The following NADK variants were observed in gnomAD, a reference collection of about 807,000 sequenced individuals.
NADK encodes the protein NAD kinase.
In NADK, 22 loss-of-function variants were observed where a neutral mutation model predicts 49.8. The ratio of observed to expected loss-of-function variants is 0.44; its 90% CI spans 0.32 to 0.63. The LOEUF (loss-of-function observed/expected upper bound fraction) is 0.63, where lower values mean the gene tolerates loss of function less well. Among genes scored for constraint, NADK ranks in the 30% least tolerant of loss-of-function variants. The probability of loss-of-function intolerance (pLI) is 0.06; values close to 1 mark genes in which losing one functional copy is unlikely to be tolerated. For missense variants in NADK, 438 were observed against 609.4 expected, an observed-to-expected ratio of 0.72 and a Z score of 2.96; for synonymous variants, 268 against 253.7, an observed-to-expected ratio of 1.06 and a Z score of -0.54.
rs551927211 is a variant in NADK, at chr1:1,771,835, TC to T, written c.-40-6390del. Among the ~76,000 whole-genome samples the T allele has an allele frequency of 4.2e-3, 645 of 151,852 alleles. 5 individuals carry two copies. The highest frequency in any genetic ancestry group is 0.015 in the African/African-American group (603 of 41,418). The stretch of plus-strand genomic sequence containing the variant: ...TTTTTTGTCTTTTTGTGAGACAGGA[TC>T]TCCCACTGTTGCCCAGGCTGGAGTA... On this transcript the variant is annotated intron_variant, in intron 1 of 11. Coordinates refer to ENST00000341426, the MANE Select transcript of NADK (RefSeq NM_023018.5).
intron 2 of NADK, among the ~76,000 whole-genome samples, chr1:1,763,393 C>T (rs557830536): frequency 3.9e-5 from 6 of 151,944 alleles, no homozygotes; most frequent in Non-Finnish European, 8.8e-5. Flanking sequence ...CTGAGGTGGG[C>T]GGATCACCTC....
rs373387647 is a variant in NADK, at chr1:1,766,797, G to T, written c.-40-1351C>A. ...TTTTTTTTCCTTTGGTAGAGACAGG[G>T]TGTCTTGCTCTGTTGCCCAGGCTGG... On this transcript the variant is annotated intron_variant, in intron 1 of 11. Coordinates refer to ENST00000341426, the MANE Select transcript of NADK (RefSeq NM_023018.5). Among the ~76,000 whole-genome samples the T allele has an allele frequency of 8.6e-5, 13 of 151,902 alleles. 1 individual carries two copies. The highest frequency in any genetic ancestry group is 2.6e-4 in the Admixed American group (4 of 15,260).
intron 3 of NADK, chr1:1,761,688 C>T (rs1306121802): frequency 2.7e-6 from 1 of 375,128 alleles, no homozygotes; most frequent in Non-Finnish European, 5.0e-6. Flanking sequence ...TTTCTCAAAG[C>T]CACTGGAAAA....
chr1:1,767,354 G>A (rs1003179070), intron 1 of NADK, among the ~76,000 whole-genome samples: 5 of 152,194 alleles, frequency 3.3e-5, no homozygotes, highest in African/African-American at 9.7e-5. Flanking sequence ...CCCAACATCT[G>A]GAACACCCAG....
intron 3 of NADK, chr1:1,759,297 GGA>G (rs530561987): frequency 0.01 from 15,160 of 1,490,806 alleles, 109 homozygotes; most frequent in Non-Finnish European, 0.012. Flanking sequence ...GGTACTGCAC[GGA>G]GAGGGCAGGG....
In NADK at chr1:1,765,220, A is replaced by G. The variant is rs5021859; in HGVS notation, c.179+8T>C. The G allele has an allele frequency of 0.91, 1,428,795 of 1,574,528 alleles. 655,938 individuals carry two copies. Among genetic ancestry groups the G allele is most frequent in the Non-Finnish European group, 0.95 (1,102,802 of 1,163,562 alleles). On this transcript the variant is annotated splice_region_variant and intron_variant, in intron 2 of 11. Transcript: ENST00000341426. ...AAAAAAAAGAGGAACCATCCCTCCC[A>G]GTTGTACCTGAACTCCTTGGTGCTC...
At chr1:1,772,100 C>T (rs1452104792) in intron 1 of NADK, among the ~76,000 whole-genome samples, 1 of 151,862 alleles carries the variant, frequency 6.6e-6, no homozygotes, top group Non-Finnish European at 1.5e-5. Context: ...TGAGCCACCT[C>T]ACCCAGCTGG....
intron 3 of NADK, chr1:1,758,365 C>G (rs746304265): frequency 6.2e-7 from 1 of 1,608,768 alleles, no homozygotes; most frequent in Non-Finnish European, 8.5e-7. Context: ...CAGCACTCAC[C>G]CTGTGCAGGC....
Position 1,751,927 on chromosome 1 carries a change from G to A in NADK, c.*977C>T, listed in dbSNP as rs1178796473. The A allele has an allele frequency of 8.6e-6, 1 of 115,846 alleles. No individual in the cohort carries two copies. The highest frequency in any genetic ancestry group is 9.8e-5 in the Admixed American group (1 of 10,182). The allele number at this position is 115,846 out of a possible 1,614,324, so 7.2% of individuals were successfully genotyped here. ...CTGGAGACTCACGGGAGAGGCAGGAGGAGAATCAGCGTGTTGAGTCCCTCG... is the reference window on the plus strand; with the variant it reads ...CTGGAGACTCACGGGAGAGGCAGGAAGAGAATCAGCGTGTTGAGTCCCTCG... On this transcript the variant is annotated 3_prime_UTR_variant, in exon 12 of 12. Coordinates refer to ENST00000341426, the MANE Select transcript of NADK (RefSeq NM_023018.5).
chr1:1,760,135 G>A (rs1645671691), intron 3 of NADK, among the ~76,000 whole-genome samples: 1 of 152,236 alleles, frequency 6.6e-6, no homozygotes, highest in Non-Finnish European at 1.5e-5. Context: ...GTGCAGGGGA[G>A]CTGCTTGGAT....
At chr1:1,779,645 CTTCA>C (rs1646314182), upstream of NADK, among the ~76,000 whole-genome samples, 1 of 149,914 alleles carries the variant, frequency 6.7e-6, no homozygotes, top group East Asian at 2.0e-4. Context: ...CACTCGACTA[CTTCA>C]TTCATATATA....
chr1:1,775,623 G>A (rs950633719), intron 1 of NADK, among the ~76,000 whole-genome samples: 4 of 152,238 alleles, frequency 2.6e-5, no homozygotes, highest in Non-Finnish European at 5.9e-5. Flanking sequence ...CTTAGGGGCA[G>A]ATGAAGAAAA....
chr1:1,777,737 C>G (rs918739279), intron 1 of NADK, among the ~76,000 whole-genome samples: 12 of 152,146 alleles, frequency 7.9e-5, no homozygotes, highest in Non-Finnish European at 1.8e-4. Flanking sequence ...AAGGCCGGTG[C>G]TGACATCTGA....
chr1:1,767,007 C>T (rs144386169), intron 1 of NADK, among the ~76,000 whole-genome samples: 136 of 152,118 alleles, frequency 8.9e-4, no homozygotes, highest in Non-Finnish European at 1.6e-3. Flanking sequence ...GTCTGCTTCC[C>T]GGGTTCAAGT....
In NADK at chr1:1,754,434, C is replaced by T. The variant is rs755828538; in HGVS notation, c.844-51G>A. 10 of 1,609,222 alleles carry T rather than the reference C, an allele frequency of 6.2e-6. No individual in the cohort carries two copies. Among genetic ancestry groups the T allele is most frequent in the South Asian group, 3.3e-5 (3 of 90,886 alleles). ...TCAGGGCGGGGGATGCCGCACGGCT[C>T]GCAGACACCCTCCGTCTCACCCAGC... On this transcript the variant is annotated intron_variant, in intron 8 of 11. Transcript: ENST00000341426. The surrounding 1 kb of genome is among the most constrained non-coding windows in gnomAD (Gnocchi z 4.3).
intron 1 of NADK, among the ~76,000 whole-genome samples, chr1:1,774,677 A>G (rs1021663592): frequency 1.3e-5 from 2 of 152,046 alleles, no homozygotes; most frequent in Non-Finnish European, 2.9e-5. Context: ...CGCGGTCACC[A>G]CTGTATTTTT....
chr1:1,758,320 C>A, intron 3 of NADK: 2 of 1,578,234 alleles, frequency 1.3e-6, no homozygotes, highest in Non-Finnish European at 1.7e-6. Context: ...GGGCCACAGA[C>A]CTTAGCCCAT....
chr1:1,765,640 C>T (rs961363105), intron 1 of NADK, among the ~76,000 whole-genome samples, 194 bp from the exon 2 acceptor site: 26 of 152,122 alleles, frequency 1.7e-4, no homozygotes, highest in Admixed American at 8.5e-4. Context: ...GGCTGGGTGC[C>T]GTGGCTCACG....
intron 6 of NADK, 145 bp from the exon 7 acceptor site, chr1:1,755,621 G>T: frequency 1.5e-6 from 1 of 672,550 alleles, no homozygotes. Flanking sequence ...GTGGACAAGC[G>T]GAGGGGGACG....
Sources: allele counts gnomAD v4.1 joint callset (sites outside exome capture counted in the v4.1 genomes callset), GRCh38; gene constraint gnomAD v4.1.1; non-coding constraint Gnocchi (gnomAD v3.1); transcripts MANE v1.5; gene names NCBI Gene and HGNC (gene_info 2026-07-23, HGNC 2026-07-21).